The following PCNX2 variants were observed in gnomAD, a reference collection of about 807,000 sequenced individuals.
The protein encoded by PCNX2 is pecanex-like protein 2.
A neutral mutation model predicts 223.8 loss-of-function variants in PCNX2; 168 were observed. That is an observed-to-expected ratio of 0.75 (90% CI 0.66 to 0.85). The LOEUF (loss-of-function observed/expected upper bound fraction) is 0.85, where lower values mean the gene tolerates loss of function less well. Ranked by LOEUF, PCNX2 falls within the 40% of genes least tolerant of loss-of-function variation. PCNX2 has a pLI of 0.00. For synonymous variants in PCNX2, 1,006 were observed against 1,052.6 expected (o/e 0.96, Z 0.86); for missense variants, 2,507 against 2,675.5 (o/e 0.94, Z 1.39).
intron 24 of PCNX2, among the ~76,000 whole-genome samples, chr1:233,055,796 G>A (rs1341700343): frequency 6.6e-6 from 1 of 152,154 alleles, no homozygotes; most frequent in Non-Finnish European, 1.5e-5. Flanking sequence ...GGGGAGGACA[G>A]GGATGAAGAC....
rs1375252251 is a variant in PCNX2 at position 233,022,988 on chromosome 1, C to T, written c.4605+2158G>A. ...CTGGGATTACAGGCTTGAGCCACTGCGCCGGGATGAGTCTAGCCTAATTCT... is the reference window on the plus strand; with the variant it reads ...CTGGGATTACAGGCTTGAGCCACTGTGCCGGGATGAGTCTAGCCTAATTCT... On this transcript the variant is annotated intron_variant, in intron 26 of 33. Coordinates refer to ENST00000258229, the MANE Select transcript of PCNX2 (RefSeq NM_014801.4). 5.8e-4 allele frequency among the ~76,000 whole-genome samples: 88 copies of T among 152,118 alleles called. 2 individuals carry two copies. Among genetic ancestry groups the T allele is most frequent in the South Asian group, 2.1e-4 (1 of 4,824 alleles).
At position 233,138,957 on chromosome 1, in the gene PCNX2, G is replaced by C. The variant is rs148609763; in HGVS notation, c.3659+757C>G. ...TGAAAGGAAGAGCAGGTTTGAATTA[G>C]CATGTTTGGGATTATGCATCAGGGT... On this transcript the variant is annotated intron_variant, in intron 20 of 33. Coordinates refer to ENST00000258229, the MANE Select transcript of PCNX2 (RefSeq NM_014801.4). Among the ~76,000 whole-genome samples the C allele has an allele frequency of 8.5e-5, 13 of 152,284 alleles. No homozygotes were observed. The East Asian group carries it at 2.5e-3, about 29-fold the overall frequency.
the PCNX2 span, among the ~76,000 whole-genome samples, chr1:233,318,125 G>T: frequency 6.6e-6 from 1 of 152,234 alleles, no homozygotes; most frequent in South Asian, 2.1e-4. Context: ...TTTGTCTCAA[G>T]AAGTTTGGCA....
At chr1:233,091,732 CAA>C (rs11335249) in intron 22 of PCNX2, among the ~76,000 whole-genome samples, 3,016 of 109,012 alleles carry the variant, frequency 0.028, 36 homozygotes, top group East Asian at 0.043. Flanking sequence ...GACCCTCCCT[CAA>C]AAAAAAAAAA....
At chr1:233,088,464 T>C (rs1040631701) in intron 23 of PCNX2, among the ~76,000 whole-genome samples, 6 of 152,208 alleles carry the variant, frequency 3.9e-5, no homozygotes, top group African/African-American at 1.4e-4. Context: ...CCAAATTATT[T>C]TCTCCTAAAA....
intron 1 of PCNX2, chr1:233,291,834 C>T (rs1661783563): frequency 1.0e-6 from 1 of 975,288 alleles, no homozygotes; most frequent in Non-Finnish European, 1.2e-6. Context: ...TCAGTTTGTC[C>T]AAAAGAAAAG....
At chr1:233,261,954 CT>C in intron 3 of PCNX2, 90 bp downstream of exon 3, 1 of 1,553,472 alleles carries the variant, frequency 6.4e-7, no homozygotes, top group Non-Finnish European at 8.8e-7. Flanking sequence ...AGCATGCAAG[CT>C]ACAATCACTG....
intron 21 of PCNX2, among the ~76,000 whole-genome samples, chr1:233,121,029 G>A (rs1675753972): frequency 6.6e-6 from 1 of 151,316 alleles, no homozygotes; most frequent in Non-Finnish European, 1.5e-5. Context: ...TCATATGCCA[G>A]CAAGGAACAA....
At chr1:233,118,341 C>T (rs1046137389) in intron 21 of PCNX2, among the ~76,000 whole-genome samples, 11 of 151,934 alleles carry the variant, frequency 7.2e-5, no homozygotes, top group African/African-American at 2.7e-4. Context: ...CTACTCTCAC[C>T]ACTCTTATCT....
intron 9 of PCNX2, 94 bp downstream of exon 9, chr1:233,236,751 T>C: frequency 6.6e-7 from 1 of 1,521,044 alleles, no homozygotes; most frequent in Non-Finnish European, 8.9e-7. Flanking sequence ...GGGAAAGAGC[T>C]GACTAATCCT....
In PCNX2 at chr1:233,220,686, G is replaced by A. The variant is rs565834674; in HGVS notation, c.2505-2502C>T. ...TTTGTATACTGGATGACAATCCTTC[G>A]TTTTTTAAAATATTTTCTTCCATTC... On this transcript the variant is annotated intron_variant, in intron 10 of 33. Coordinates refer to ENST00000258229, the MANE Select transcript of PCNX2 (RefSeq NM_014801.4). 1.5e-3 allele frequency among the ~76,000 whole-genome samples: 225 copies of A among 151,864 alleles called. 1 individual carries two copies. The highest frequency in any genetic ancestry group is 2.3e-3 in the Non-Finnish European group (155 of 67,956).
intron 21 of PCNX2, among the ~76,000 whole-genome samples, chr1:233,096,985 C>A (rs1674211431): frequency 6.6e-6 from 1 of 152,212 alleles, no homozygotes; most frequent in Non-Finnish European, 1.5e-5. Flanking sequence ...CTCCAAATCT[C>A]TGCCTCACTT....
chr1:233,050,887 A>T (rs1326089085), intron 25 of PCNX2, among the ~76,000 whole-genome samples: 2 of 152,182 alleles, frequency 1.3e-5, no homozygotes, highest in Non-Finnish European at 2.9e-5. Flanking sequence ...ATAAAAGACA[A>T]CCTACAGAAT....
At position 233,263,083 on chromosome 1, in the gene PCNX2, A is replaced by G. The variant is rs775401979; in HGVS notation, c.234T>C (p.Ser78=). 6 of 1,613,426 alleles carry G rather than the reference A, an allele frequency of 3.7e-6. No homozygotes were observed. In the South Asian group the frequency reaches 6.6e-5, roughly 18 times the overall value. The part of the protein sequence containing the change: ...TIFFTIIKLV[S]YRLHLMFDKG... ...TGTCAAACATGAGGTGTAGGCGATA[A>G]CTGACCAGTTTGATTATTGTGAAGA... The change falls in exon 2 of 34, where the codon AGT becomes AGC. Residue 78 remains serine, a synonymous_variant. Coordinates refer to ENST00000258229, the MANE Select transcript of PCNX2 (RefSeq NM_014801.4).
chr1:233,242,171 G>A (rs559234263), intron 8 of PCNX2, among the ~76,000 whole-genome samples: 1 of 152,250 alleles, frequency 6.6e-6, no homozygotes, highest in East Asian at 1.9e-4. Context: ...ATATACGGCA[G>A]CTTTCAAACA....
chr1:233,177,998 ACAAG>A lies in PCNX2; in HGVS notation c.3177-104_3177-101del, dbSNP rs550733418. The A allele has an allele frequency of 1.5e-4, 122 of 800,974 alleles. 1 individual carries two copies. In the Admixed American group the frequency reaches 2.4e-3, roughly 16 times the overall value. 49.6% of individuals were successfully genotyped at this position (800,974 alleles called of 1,614,324 possible). A position where few individuals can be genotyped will look rare whatever the true frequency, so the allele number is the denominator to read the frequency against. On this transcript the variant is annotated intron_variant, in intron 16 of 33. Transcript: ENST00000258229. ...GATCTCACACCCACACATGACAAAA[ACAAG>A]TGCTCTCTTCATTTAAAAATTTATA...
intron 25 of PCNX2, among the ~76,000 whole-genome samples, chr1:233,035,674 G>A (rs1032683909): frequency 5.3e-5 from 8 of 152,198 alleles, no homozygotes; most frequent in Admixed American, 2.6e-4. Context: ...AGGCACAAAC[G>A]TTGGGATACA....
chr1:233,254,417 C>G (rs1659615461), intron 5 of PCNX2, among the ~76,000 whole-genome samples: 1 of 152,198 alleles, frequency 6.6e-6, no homozygotes, highest in African/African-American at 2.4e-5. Flanking sequence ...CACTAAGTGT[C>G]TTTGAATTCA....
At chr1:233,279,448 A>G (rs1397618995) in intron 1 of PCNX2, among the ~76,000 whole-genome samples, 6 of 150,718 alleles carry the variant, frequency 4.0e-5, no homozygotes, top group Admixed American at 1.3e-4. Context: ...ATGTGTGTGT[A>G]TATATATATA....
Sources: gnomAD v4.1 joint callset for allele counts (sites outside exome capture counted in the v4.1 genomes callset) on GRCh38, gnomAD v4.1.1 for gene constraint, MANE v1.5 for transcripts, NCBI Gene and HGNC (gene_info 2026-07-23, HGNC 2026-07-21) for gene names.